The following PRKCI variants were observed in gnomAD, a reference collection of about 807,000 sequenced individuals.
PRKCI encodes protein kinase C iota type.
A neutral mutation model predicts 84.0 loss-of-function variants in PRKCI; 43 were observed. That is an observed-to-expected ratio of 0.51 (90% CI 0.40 to 0.66). The LOEUF is 0.66. Among genes scored for constraint, PRKCI ranks in the 30% least tolerant of loss-of-function variants. PRKCI has a pLI of 0.00. For synonymous variants in PRKCI, 216 were observed against 234.4 expected, an observed-to-expected ratio of 0.92 and a Z score of 0.72; for missense variants, 459 against 745.6, an observed-to-expected ratio of 0.62 and a Z score of 4.48.
chr3:170,222,614 C>A lies in PRKCI; in HGVS notation c.-56C>A. 6.9e-7 allele frequency: 1 copy of A among 1,457,334 alleles called. No homozygotes were observed. The highest frequency in any genetic ancestry group is 9.2e-7 in the Non-Finnish European group (1 of 1,087,014). The allele number at this position is 1,457,334 out of a possible 1,614,324, so 90.3% of individuals were successfully genotyped here. A position where few individuals can be genotyped will look rare whatever the true frequency, so the allele number is the denominator to read the frequency against. ...GCAGGCGGCGGAGTCCCCCACGGCGCCCGAAGCGCCCCCCCGCACCCCCGG... is the reference window on the plus strand; with the variant it reads ...GCAGGCGGCGGAGTCCCCCACGGCGACCGAAGCGCCCCCCCGCACCCCCGG... On this transcript the variant is annotated 5_prime_UTR_variant, in exon 1 of 18. Transcript: ENST00000295797.
rs957141963 is a variant in PRKCI at position 170,235,949 on chromosome 3, A to AT, written c.223+610dup. On this transcript the variant is annotated intron_variant, in intron 2 of 17. Coordinates refer to ENST00000295797, the MANE Select transcript of PRKCI (RefSeq NM_002740.6). ...TAATTTTGTTTTTTCTTTGAATTAA[A>AT]TTTTTTTTTTTTATTTTTTAAAGAC... Among the ~76,000 whole-genome samples, 255 of 147,372 alleles carry AT rather than the reference A, an allele frequency of 1.7e-3. 1 individual carries two copies. Among genetic ancestry groups the AT allele is most frequent in the African/African-American group, 5.1e-3 (207 of 40,436 alleles).
chr3:170,239,741 G>GT (rs1306055398), intron 2 of PRKCI, among the ~76,000 whole-genome samples: 3,493 of 140,152 alleles, frequency 0.025, 67 homozygotes, highest in African/African-American at 0.049. Flanking sequence ...ATGGTAGAGT[G>GT]TTTTTTTTTT....
intron 12 of PRKCI, 115 bp from the exon 13 acceptor site, chr3:170,291,739 G>A: frequency 2.7e-6 from 2 of 744,148 alleles, no homozygotes; most frequent in Non-Finnish European, 4.7e-6. Flanking sequence ...GTGATGTTAA[G>A]TGAGCTTAAT....
rs546014100 is a variant in PRKCI, at chr3:170,240,103, A to C, written c.223+4752A>C. On this transcript the variant is annotated intron_variant, in intron 2 of 17. Transcript: ENST00000295797. The stretch of plus-strand genomic sequence containing the variant: ...CTTGAGCATGGGAGATGGAGGCTGC[A>C]GTGAGCCATGATTGTGCCACTGCAC... Among the ~76,000 whole-genome samples the C allele has an allele frequency of 1.2e-3, 186 of 152,268 alleles. 2 individuals carry two copies. Among genetic ancestry groups the C allele is most frequent in the African/African-American group, 3.8e-3 (157 of 41,566 alleles).
chr3:170,280,299 A>G lies in PRKCI; in HGVS notation c.778A>G (p.Ile260Val). The part of the protein sequence containing the change: ...GLQDFDLLRV[I>V]GRGSYAKVLL... ...TCAGGATTTTGATTTGCTCCGGGTA[A>G]TAGGAAGAGGAAGTTATGCCAAAGT... The change falls in exon 9 of 18, where the codon ATA becomes GTA. Residue 260 changes from isoleucine (I) to valine (V), a missense_variant. This residue lies in a region of PRKCI where 209 missense variants were observed against 425.9 expected (regional missense o/e 0.49). Transcript: ENST00000295797. 6.2e-7 allele frequency: 1 copy of G among 1,613,656 alleles called. No individual in the cohort carries two copies. Among genetic ancestry groups the G allele is most frequent in the Non-Finnish European group, 8.5e-7 (1 of 1,179,932 alleles).
In PRKCI at chr3:170,273,687, C is replaced by T. The variant is rs1577362938; in HGVS notation, c.646+347C>T. Among the ~76,000 whole-genome samples, 6 of 151,850 alleles carry T rather than the reference C, an allele frequency of 4.0e-5. No individual in the cohort carries two copies. In the East Asian group the frequency reaches 1.2e-3, roughly 30 times the overall value. On this transcript the variant is annotated intron_variant, in intron 7 of 17. Coordinates refer to ENST00000295797, the MANE Select transcript of PRKCI (RefSeq NM_002740.6). The stretch of plus-strand genomic sequence containing the variant: ...AAAATTAGCAGGGTGTGGTGGCACA[C>T]TCCTGTAGTCCCAGCTTCTCAGGAG...
intron 2 of PRKCI, among the ~76,000 whole-genome samples, chr3:170,244,333 C>T (rs1733213726): frequency 6.6e-6 from 1 of 152,068 alleles, no homozygotes; most frequent in African/African-American, 2.4e-5. Flanking sequence ...TCACCAGCAG[C>T]CAGTGGTTTA....
At chr3:170,222,865 G>A (rs1263065167) in intron 1 of PRKCI, 95 bp downstream of exon 1, 1 of 716,004 alleles carries the variant, frequency 1.4e-6, no homozygotes, top group East Asian at 3.7e-5. Flanking sequence ...GGTGTTGTGG[G>A]CGGATTGGGC....
At chr3:170,235,386 T>G (rs755525305) in intron 2 of PRKCI, 35 bp downstream of exon 2, 13 of 1,605,054 alleles carry the variant, frequency 8.1e-6, no homozygotes, top group Non-Finnish European at 1.1e-5. Flanking sequence ...TGTGTAAGCA[T>G]TTTAAGATCT....
At chr3:170,235,484 T>C (rs901402873) in intron 2 of PRKCI, 133 bp downstream of exon 2, 77 of 999,186 alleles carry the variant, frequency 7.7e-5, no homozygotes, top group Admixed American at 1.7e-4. Context: ...TCTTGTTTTT[T>C]CTTTAAGTAT....
At chr3:170,283,326 G>T (rs1734297488) in intron 11 of PRKCI, among the ~76,000 whole-genome samples, 1 of 152,092 alleles carries the variant, frequency 6.6e-6, no homozygotes, top group Admixed American at 6.6e-5. Flanking sequence ...CCAAAATGAA[G>T]CATGTGAGTT....
intron 4 of PRKCI, among the ~76,000 whole-genome samples, chr3:170,265,763 G>A (rs939270818): frequency 4.7e-5 from 7 of 149,954 alleles, no homozygotes; most frequent in South Asian, 4.2e-4. Context: ...CCACTACCAC[G>A]CCCGTCTAAT....
In PRKCI at chr3:170,222,486, G is replaced by A; in HGVS notation, c.-184G>A. ...GCGGCGGCGCCTACGGGCAGTGGGA[G>A]GAGCCGCGCGGTTCCGGCTGCTCCG... is the stretch of plus-strand genomic sequence containing the variant. On this transcript the variant is annotated 5_prime_UTR_variant, in exon 1 of 18. Coordinates refer to ENST00000295797, the MANE Select transcript of PRKCI (RefSeq NM_002740.6). 1 of 488,412 alleles carries A rather than the reference G, an allele frequency of 2.0e-6. No homozygotes were observed. The highest frequency in any genetic ancestry group is 3.5e-6 in the Non-Finnish European group (1 of 287,334). The allele number at this position is 488,412 out of a possible 1,614,324, so 30.3% of individuals were successfully genotyped here. A position where few individuals can be genotyped will look rare whatever the true frequency, so the allele number is the denominator to read the frequency against.
At position 170,250,489 on chromosome 3, in the gene PRKCI, C is replaced by G. The variant is rs186596456; in HGVS notation, c.224-9480C>G. On this transcript the variant is annotated intron_variant, in intron 2 of 17. Transcript: ENST00000295797. ...ATTAGCAGTTGCTACTTGTTTCCCC[C>G]CTACCCCTTTCTCTGCAGGCCCCAG... Among the ~76,000 whole-genome samples the G allele has an allele frequency of 7.4e-5, 10 of 135,418 alleles. No individual in the cohort carries two copies. In the East Asian group the frequency reaches 9.8e-4, roughly 13 times the overall value. 88.8% of individuals were successfully genotyped at this position (135,418 alleles called of 152,430 possible).
At chr3:170,229,090 A>C (rs1033251687) in intron 1 of PRKCI, among the ~76,000 whole-genome samples, 1 of 152,060 alleles carries the variant, frequency 6.6e-6, no homozygotes. Context: ...CACTTTCTAG[A>C]GATAGCCATT....
intron 2 of PRKCI, among the ~76,000 whole-genome samples, chr3:170,244,451 G>C (rs1733216852): frequency 6.6e-6 from 1 of 152,166 alleles, no homozygotes; most frequent in Non-Finnish European, 1.5e-5. Flanking sequence ...TGGTACATCT[G>C]GACCCGGCTT....
At chr3:170,268,442 T>C (rs1290827806) in intron 5 of PRKCI, among the ~76,000 whole-genome samples, 2 of 144,220 alleles carry the variant, frequency 1.4e-5, no homozygotes, top group African/African-American at 5.4e-5. Context: ...ATTGTGCCAC[T>C]GCACTCCAGC....
At chr3:170,227,978 TA>T (rs1445331833) in intron 1 of PRKCI, among the ~76,000 whole-genome samples, 2 of 152,138 alleles carry the variant, frequency 1.3e-5, no homozygotes, top group African/African-American at 2.4e-5. Flanking sequence ...GATAGTCTTG[TA>T]GGGGTGACGG....
intron 2 of PRKCI, among the ~76,000 whole-genome samples, chr3:170,253,836 C>A (rs1053869423): frequency 6.6e-6 from 1 of 151,524 alleles, no homozygotes; most frequent in African/African-American, 2.4e-5. Flanking sequence ...GTGTCTCACG[C>A]TTGTAATCCC....
Sources: allele counts gnomAD v4.1 joint callset (sites outside exome capture counted in the v4.1 genomes callset), GRCh38; gene constraint gnomAD v4.1.1; regional missense constraint gnomAD v4.1.1; transcripts MANE v1.5; gene names NCBI Gene and HGNC (gene_info 2026-07-23, HGNC 2026-07-21).